SACM1L: variants seen among roughly 807,000 people sequenced by gnomAD.
SACM1L encodes SAC1 like phosphatidylinositide phosphatase.
In SACM1L, 32 loss-of-function variants were observed where a neutral mutation model predicts 89.5. That is an observed-to-expected ratio of 0.36 (90% CI 0.27 to 0.48). The LOEUF (loss-of-function observed/expected upper bound fraction) is 0.48. Among genes scored for constraint, SACM1L ranks in the 20% least tolerant of loss-of-function variants. The pLI, the probability that SACM1L is intolerant of heterozygous loss-of-function variation, is 0.99. For missense variants in SACM1L, 543 were observed against 708.5 expected, an observed-to-expected ratio of 0.77 and a Z score of 2.65; for synonymous variants, 213 against 232.8, an observed-to-expected ratio of 0.92 and a Z score of 0.77.
intron 19 of SACM1L, among the ~76,000 whole-genome samples, chr3:45,740,425 G>A (rs1699289480): frequency 6.6e-6 from 1 of 152,196 alleles, no homozygotes; most frequent in Admixed American, 6.5e-5. Flanking sequence ...GCTTGTGACA[G>A]TTTGTGAGGG....
intron 1 of SACM1L, among the ~76,000 whole-genome samples, chr3:45,691,641 G>A (rs1319884863): frequency 1.3e-5 from 2 of 151,850 alleles, no homozygotes; most frequent in Non-Finnish European, 2.9e-5. Context: ...AAGAGATGGG[G>A]TCTCATTCTG....
chr3:45,730,639 G>T (rs970565799), intron 11 of SACM1L: 3 of 152,242 alleles, frequency 2.0e-5, no homozygotes, highest in African/African-American at 7.2e-5. Flanking sequence ...GTCTTCTCAG[G>T]ACTCTTTTCA....
At position 45,727,797 on chromosome 3, in the gene SACM1L, G is replaced by A. The variant is rs111649643; in HGVS notation, c.922-3504G>A. ...TTTTTAGTAGAGATGGGGCTTTACC[G>A]TGTTAGCCAGGGTGGTCTCAATCTC... On this transcript the variant is annotated intron_variant, in intron 11 of 19. Coordinates refer to ENST00000389061, the MANE Select transcript of SACM1L (RefSeq NM_014016.5). 4.6e-3 allele frequency among the ~76,000 whole-genome samples: 705 copies of A among 152,062 alleles called. 5 individuals carry two copies. Among genetic ancestry groups the A allele is most frequent in the African/African-American group, 0.016 (663 of 41,466 alleles).
chr3:45,713,400 A>G (rs1473252256), intron 6 of SACM1L: 2 of 402,008 alleles, frequency 5.0e-6, no homozygotes, highest in African/African-American at 2.1e-5. Flanking sequence ...GATCTTCTAT[A>G]GAAGCCTTAA....
chr3:45,713,478 A>G, intron 6 of SACM1L: 1 of 229,012 alleles, frequency 4.4e-6, no homozygotes, highest in Non-Finnish European at 8.4e-6. Flanking sequence ...TAATGGAGAA[A>G]TGAGGGGCCA....
intron 7 of SACM1L, among the ~76,000 whole-genome samples, chr3:45,715,885 CAA>C (rs1181154607): frequency 6.6e-6 from 1 of 150,486 alleles, no homozygotes; most frequent in African/African-American, 2.5e-5. Context: ...AATGGACAAA[CAA>C]TATTAAGTGA....
intron 1 of SACM1L, among the ~76,000 whole-genome samples, chr3:45,696,066 C>G (rs1248150716): frequency 6.7e-6 from 1 of 148,262 alleles, no homozygotes; most frequent in African/African-American, 2.5e-5. Flanking sequence ...GGTGCGATCT[C>G]GGCCCACTGC....
chr3:45,703,281 G>T (rs1698315482), intron 1 of SACM1L, among the ~76,000 whole-genome samples, 157 bp from the exon 2 acceptor site: 1 of 152,178 alleles, frequency 6.6e-6, no homozygotes, highest in Non-Finnish European at 1.5e-5. Context: ...GAAAAGAGTT[G>T]CAGTGAACTC....
At chr3:45,732,576 C>T (rs1233402442) in intron 13 of SACM1L, among the ~76,000 whole-genome samples, 1 of 152,142 alleles carries the variant, frequency 6.6e-6, no homozygotes, top group Non-Finnish European at 1.5e-5. Flanking sequence ...TGCTTTTCTT[C>T]ACCCTGAGCA....
At chr3:45,701,010 G>A (rs1452187086) in intron 1 of SACM1L, among the ~76,000 whole-genome samples, 1 of 152,234 alleles carries the variant, frequency 6.6e-6, no homozygotes, top group Middle Eastern at 3.2e-3. Context: ...GAGAATGGCA[G>A]CAAGGAATGA....
chr3:45,716,618 G>A (rs1362229096), intron 7 of SACM1L, among the ~76,000 whole-genome samples: 1 of 152,136 alleles, frequency 6.6e-6, no homozygotes, highest in Non-Finnish European at 1.5e-5. Flanking sequence ...ATAGATGGAT[G>A]TGGTTGCTGA....
intron 8 of SACM1L, among the ~76,000 whole-genome samples, chr3:45,720,855 C>T (rs1464054765): frequency 6.6e-6 from 1 of 152,138 alleles, no homozygotes; most frequent in Non-Finnish European, 1.5e-5. Context: ...CATATACCTG[C>T]AAATGTTATA....
At chr3:45,728,478 A>G (rs1698975631) in intron 11 of SACM1L, among the ~76,000 whole-genome samples, 1 of 152,038 alleles carries the variant, frequency 6.6e-6, no homozygotes, top group African/African-American at 2.4e-5. Context: ...TGTGGTTACC[A>G]TGAGGATTAC....
chr3:45,727,370 A>G (rs1698945924), intron 11 of SACM1L, among the ~76,000 whole-genome samples: 1 of 152,126 alleles, frequency 6.6e-6, no homozygotes, highest in African/African-American at 2.4e-5. Flanking sequence ...TGATCAGAAT[A>G]TATACTTAAT....
At position 45,706,935 on chromosome 3, in the gene SACM1L, C is replaced by G. The variant is rs775119610; in HGVS notation, c.333+28C>G. On this transcript the variant is annotated intron_variant, in intron 4 of 19. Transcript: ENST00000389061. ...AAGAACTGGAAATTGTTACTAATTG[C>G]AGCGCCCAAAGAAGTAGCATGGGCT... The G allele has an allele frequency of 5.6e-6, 9 of 1,608,342 alleles. No homozygotes were observed. The South Asian group carries it at 9.9e-5, about 18-fold the overall frequency.
intron 11 of SACM1L, among the ~76,000 whole-genome samples, chr3:45,725,871 C>T (rs1274363317): frequency 6.6e-6 from 1 of 151,924 alleles, no homozygotes; most frequent in East Asian, 1.9e-4. Context: ...AACTTTTCTT[C>T]TTTTTCTAAG....
At chr3:45,741,373 G>A (rs1207148994) in intron 19 of SACM1L, among the ~76,000 whole-genome samples, 1 of 152,102 alleles carries the variant, frequency 6.6e-6, no homozygotes, top group African/African-American at 2.4e-5. Flanking sequence ...ATACCTCTTT[G>A]GTGTACCTGA....
chr3:45,715,773 CAAA>C (rs35433679), intron 7 of SACM1L, among the ~76,000 whole-genome samples: 3 of 132,404 alleles, frequency 2.3e-5, no homozygotes, highest in Admixed American at 7.6e-5. Context: ...GACTCCATCT[CAAA>C]AAAAAAAAAA....
At chr3:45,703,695 A>C (rs1332477193) in intron 2 of SACM1L, among the ~76,000 whole-genome samples, 160 bp downstream of exon 2, 2 of 152,102 alleles carry the variant, frequency 1.3e-5, no homozygotes, top group East Asian at 3.8e-4. Flanking sequence ...TTGGTGCATC[A>C]ATTTTATGCT....
Sources: gnomAD v4.1 joint callset for allele counts (sites outside exome capture counted in the v4.1 genomes callset) on GRCh38, gnomAD v4.1.1 for gene constraint, MANE v1.5 for transcripts, NCBI Gene and HGNC (gene_info 2026-07-23, HGNC 2026-07-21) for gene names.